Variants in DPP10 observed in about 807,000 individuals in gnomAD.
DPP10 encodes dipeptidyl peptidase like 10.
DPP10 carries 33 observed loss-of-function variants against 120.9 expected under a neutral mutation model. The ratio of observed to expected loss-of-function variants is 0.27; its 90% CI spans 0.21 to 0.37. DPP10 has a LOEUF of 0.37. Among genes scored for constraint, DPP10 ranks in the 10% least tolerant of loss-of-function variants. The pLI is 1.00. For synonymous variants in DPP10, 337 were observed against 326.1 expected, an observed-to-expected ratio of 1.03 and a Z score of -0.36; for missense variants, 816 against 942.8, an observed-to-expected ratio of 0.87 and a Z score of 1.76.
chr2:115,688,954 A>G (rs1028162956), intron 5 of DPP10, among the ~76,000 whole-genome samples: 3 of 152,132 alleles, frequency 2.0e-5, no homozygotes, highest in Admixed American at 6.6e-5. Flanking sequence ...TTTTTTTCCT[A>G]TCAGAACCAT....
chr2:115,280,045 T>C (rs2060095112), intron 1 of DPP10, among the ~76,000 whole-genome samples: 1 of 152,174 alleles, frequency 6.6e-6, no homozygotes. Flanking sequence ...TCTCAGTAAA[T>C]GCTGATTAAA....
chr2:115,233,820 G>C, intron 1 of DPP10: 1 of 454,752 alleles, frequency 2.2e-6, no homozygotes. Context: ...ACTCACCTTT[G>C]CCACACCAAA....
chr2:114,825,298 T>C (rs1260051178), intron 1 of DPP10, among the ~76,000 whole-genome samples: 1 of 152,180 alleles, frequency 6.6e-6, no homozygotes, highest in African/African-American at 2.4e-5. Context: ...GAGGAAAGCA[T>C]TGGAATCTAG....
intron 1 of DPP10, among the ~76,000 whole-genome samples, chr2:115,245,924 G>T (rs1320673498): frequency 3.3e-5 from 5 of 152,140 alleles, no homozygotes; most frequent in Non-Finnish European, 7.4e-5. Flanking sequence ...GACGCAGCTT[G>T]TACATTTTTT....
At position 115,263,320 on chromosome 2, in the gene DPP10, T is replaced by C. The variant is rs556562139; in HGVS notation, c.61-45919T>C. ...TGGCAAAAGCCTGCATCTCTGGTTC[T>C]CCAGAAGCCCCACCCTTCCCCCTTG... On this transcript the variant is annotated intron_variant, in intron 1 of 25. Transcript: ENST00000410059. Among the ~76,000 whole-genome samples the C allele has an allele frequency of 1.6e-3, 243 of 152,324 alleles. 4 individuals are homozygous for C. Among genetic ancestry groups the C allele is most frequent in the Middle Eastern group, 0.014 (4 of 292 alleles).
intron 1 of DPP10, among the ~76,000 whole-genome samples, chr2:115,184,921 T>TCAAGAAGAATATTGAAGACAAAGGATA (rs1471920344): frequency 1.3e-5 from 2 of 152,066 alleles, no homozygotes; most frequent in Non-Finnish European, 2.9e-5. Context: ...AATGTGAGAG[T>TCAAGAAGAATATTGAAGACAAAGGATA]CAAGAAGAAT....
At chr2:114,497,477 T>C (rs1301740093) in intron 1 of DPP10, among the ~76,000 whole-genome samples, 2 of 141,090 alleles carry the variant, frequency 1.4e-5, no homozygotes, top group East Asian at 3.9e-4. Flanking sequence ...CATCTAAGAA[T>C]AGGGTCAGTG....
intron 19 of DPP10, among the ~76,000 whole-genome samples, chr2:115,804,760 G>A (rs189400735): frequency 0.024 from 3,723 of 152,260 alleles, 141 homozygotes; most frequent in African/African-American, 0.083. Flanking sequence ...CTGGTGAACC[G>A]CAAATGCTGC....
chr2:114,582,503 A>G (rs144436736), intron 1 of DPP10, among the ~76,000 whole-genome samples: 1 of 152,310 alleles, frequency 6.6e-6, no homozygotes, highest in Non-Finnish European at 1.5e-5. Context: ...TTAATTTTAT[A>G]AGAAACTGTC....
chr2:114,483,867 C>A (rs1304904766), intron 1 of DPP10, among the ~76,000 whole-genome samples: 1 of 152,120 alleles, frequency 6.6e-6, no homozygotes, highest in Non-Finnish European at 1.5e-5. Flanking sequence ...AGTCAACAGG[C>A]CTGCATTTGT....
intron 5 of DPP10, among the ~76,000 whole-genome samples, chr2:115,688,363 C>A (rs2091124061): frequency 6.6e-6 from 1 of 152,124 alleles, no homozygotes; most frequent in South Asian, 2.1e-4. Context: ...TGTGGCAAAT[C>A]ATATTTAATT....
At chr2:114,898,828 A>G (rs895404339) in intron 1 of DPP10, among the ~76,000 whole-genome samples, 3 of 152,090 alleles carry the variant, frequency 2.0e-5, no homozygotes, top group African/African-American at 7.2e-5. Flanking sequence ...ACAGGGTTTT[A>G]TTTTTTTCCT....
At chr2:115,180,349 G>T (rs947348093) in intron 1 of DPP10, among the ~76,000 whole-genome samples, 1 of 152,056 alleles carries the variant, frequency 6.6e-6, no homozygotes, top group Non-Finnish European at 1.5e-5. Context: ...TACTGAATAG[G>T]TATGACTTGA....
chr2:115,783,210 A>T (rs1682971610), intron 17 of DPP10, among the ~76,000 whole-genome samples: 1 of 152,102 alleles, frequency 6.6e-6, no homozygotes, highest in Non-Finnish European at 1.5e-5. Context: ...GAGATAGTTA[A>T]TTTGATTATC....
chr2:115,421,188 C>T (rs971130517), intron 3 of DPP10, among the ~76,000 whole-genome samples: 2 of 151,878 alleles, frequency 1.3e-5, no homozygotes, highest in African/African-American at 4.8e-5. Flanking sequence ...AAACTATATG[C>T]CAGTGTAAAT....
chr2:115,627,917 T>C (rs80182607), intron 5 of DPP10, among the ~76,000 whole-genome samples: 11,731 of 152,322 alleles, frequency 0.077, 465 homozygotes, highest in South Asian at 0.12. Flanking sequence ...CAGTCTATTA[T>C]TGATGGGCAT....
At chr2:115,593,701 C>T (rs2082816009) in intron 5 of DPP10, among the ~76,000 whole-genome samples, 1 of 152,128 alleles carries the variant, frequency 6.6e-6, no homozygotes, top group African/African-American at 2.4e-5. Context: ...AGGTATATGA[C>T]TGTCTCTTTT....
chr2:115,468,553 A>G (rs921695866), intron 3 of DPP10: 7 of 422,540 alleles, frequency 1.7e-5, no homozygotes, highest in East Asian at 6.3e-5. Context: ...AAAGGAGCTC[A>G]CTCAGTGGGG....
intron 1 of DPP10, among the ~76,000 whole-genome samples, chr2:115,078,678 C>T: frequency 6.6e-6 from 1 of 152,096 alleles, no homozygotes; most frequent in East Asian, 1.9e-4. Flanking sequence ...AATTGCTAAC[C>T]TAATCAATTC....
Sources: allele counts gnomAD v4.1 joint callset (sites outside exome capture counted in the v4.1 genomes callset), GRCh38; gene constraint gnomAD v4.1.1; transcripts MANE v1.5; gene names NCBI Gene and HGNC (gene_info 2026-07-23, HGNC 2026-07-21).